NEGR1: variants seen among roughly 807,000 people sequenced by gnomAD.
The protein encoded by NEGR1 is IgLON family member 4.
In NEGR1, 10 loss-of-function variants were observed where a neutral mutation model predicts 40.9. That is an observed-to-expected ratio of 0.24 (90% CI 0.15 to 0.42). The LOEUF is 0.42. Among genes scored for constraint, NEGR1 ranks in the 10% least tolerant of loss-of-function variants. NEGR1 has a pLI of 1.00. For synonymous variants in NEGR1, 185 were observed against 166.8 expected (o/e 1.11, Z -0.84); for missense variants, 352 against 438.9 (o/e 0.80, Z 1.77).
chr1:72,135,922 C>T (rs1450096788), intron 1 of NEGR1, among the ~76,000 whole-genome samples: 1 of 152,148 alleles, frequency 6.6e-6, no homozygotes, highest in African/African-American at 2.4e-5. Context: ...ATAGATTTGC[C>T]TTAGTGTTGG....
chr1:72,190,416 T>C (rs1652778529), intron 1 of NEGR1, among the ~76,000 whole-genome samples: 2 of 151,588 alleles, frequency 1.3e-5, no homozygotes, highest in South Asian at 2.1e-4. Context: ...GTAAAATGCA[T>C]GAAAAACGCT....
intron 1 of NEGR1, among the ~76,000 whole-genome samples, chr1:72,196,522 C>A (rs1394533858): frequency 7.9e-5 from 12 of 152,074 alleles, no homozygotes; most frequent in Admixed American, 7.2e-4. Context: ...ATAATCCCAG[C>A]ACTTTGGGAG....
At chr1:71,520,948 TAA>T (rs1647153197) in intron 6 of NEGR1, among the ~76,000 whole-genome samples, 1 of 152,062 alleles carries the variant, frequency 6.6e-6, no homozygotes. Context: ...GTGATTAGAT[TAA>T]CCCACTGAAA....
At chr1:71,581,114 C>T (rs1222726348) in intron 6 of NEGR1, among the ~76,000 whole-genome samples, 1 of 152,026 alleles carries the variant, frequency 6.6e-6, no homozygotes, top group East Asian at 1.9e-4. Context: ...TACTTGCATC[C>T]CTGTGTCTGT....
intron 4 of NEGR1, among the ~76,000 whole-genome samples, chr1:71,621,662 T>C (rs553942184): frequency 6.6e-6 from 1 of 152,038 alleles, no homozygotes; most frequent in Admixed American, 6.6e-5. Flanking sequence ...ATATGAATTC[T>C]GATTTTAGGA....
intron 2 of NEGR1, among the ~76,000 whole-genome samples, chr1:71,896,484 C>T (rs939241370): frequency 2.0e-5 from 3 of 151,894 alleles, no homozygotes; most frequent in African/African-American, 7.3e-5. Flanking sequence ...ATATTTTCTC[C>T]CATTCTGCGT....
intron 1 of NEGR1, among the ~76,000 whole-genome samples, chr1:72,229,674 T>A (rs1359801098): frequency 6.6e-6 from 1 of 151,652 alleles, no homozygotes; most frequent in African/African-American, 2.4e-5. Flanking sequence ...TTTGGTAAGT[T>A]GATTTATAAA....
intron 1 of NEGR1, among the ~76,000 whole-genome samples, chr1:72,216,930 C>T (rs1273626981): frequency 6.6e-6 from 1 of 150,814 alleles, no homozygotes; most frequent in African/African-American, 2.4e-5. Context: ...TCTTTATATA[C>T]TTAATTTATT....
chr1:71,783,696 T>C (rs1048506445), intron 2 of NEGR1, among the ~76,000 whole-genome samples: 1 of 152,214 alleles, frequency 6.6e-6, no homozygotes, highest in Non-Finnish European at 1.5e-5. Context: ...GTTCAAACTT[T>C]GAATTATGTT....
At chr1:72,279,187 G>T (rs1184872565) in intron 1 of NEGR1, among the ~76,000 whole-genome samples, 2 of 152,056 alleles carry the variant, frequency 1.3e-5, no homozygotes, top group East Asian at 3.9e-4. Context: ...TTTACAAAAT[G>T]ATAGATACAG....
intron 4 of NEGR1, among the ~76,000 whole-genome samples, chr1:71,684,515 C>A (rs1422299978): frequency 2.0e-5 from 3 of 151,482 alleles, no homozygotes; most frequent in African/African-American, 7.3e-5. Context: ...TGTGTGTGTG[C>A]GTGCGTGCAC....
chr1:71,529,658 T>C (rs60518862), intron 6 of NEGR1, among the ~76,000 whole-genome samples: 6,097 of 151,204 alleles, frequency 0.04, 401 homozygotes, highest in African/African-American at 0.14. Flanking sequence ...TGAATAAGAT[T>C]ACACTGGTTT....
At chr1:72,223,778 G>A (rs1480426141) in intron 1 of NEGR1, among the ~76,000 whole-genome samples, 3 of 152,064 alleles carry the variant, frequency 2.0e-5, no homozygotes, top group South Asian at 4.1e-4. Context: ...TATTTATTAA[G>A]TCAAATATCT....
chr1:71,883,781 T>C (rs1660649358), intron 2 of NEGR1, among the ~76,000 whole-genome samples: 2 of 137,684 alleles, frequency 1.5e-5, no homozygotes, highest in Admixed American at 1.6e-4. Context: ...TGTATCCAAG[T>C]GTTCTCATTG....
intron 1 of NEGR1, among the ~76,000 whole-genome samples, chr1:72,133,052 T>C (rs953909851): frequency 2.0e-5 from 3 of 152,138 alleles, no homozygotes; most frequent in Non-Finnish European, 2.9e-5. Flanking sequence ...TAGCTACCAC[T>C]CCTTTAAAAT....
intron 1 of NEGR1, among the ~76,000 whole-genome samples, chr1:71,948,496 T>TGTGTGTGA (rs1368411356): frequency 3.2e-4 from 47 of 148,592 alleles, no homozygotes; most frequent in African/African-American, 5.2e-4. Context: ...TGTGTGTGTG[T>TGTGTGTGA]GAGAGAGAGA....
rs546069812 is a variant in NEGR1, at chr1:72,147,755, A to G, written c.176+134564T>C. On this transcript the variant is annotated intron_variant, in intron 1 of 6. Coordinates refer to ENST00000357731, the MANE Select transcript of NEGR1 (RefSeq NM_173808.3). ...GGGGTTGCAGGTATTGGGTAAATAT[A>G]GCAGTTCCAAATGGGAGAAATTGGC... Among the ~76,000 whole-genome samples, 15 of 152,302 alleles carry G rather than the reference A, an allele frequency of 9.8e-5. No homozygotes were observed. In the East Asian group the frequency reaches 2.7e-3, roughly 27 times the overall value.
At chr1:71,792,887 T>C (rs955922785) in intron 2 of NEGR1, among the ~76,000 whole-genome samples, 1 of 152,084 alleles carries the variant, frequency 6.6e-6, no homozygotes, top group African/African-American at 2.4e-5. Flanking sequence ...TATTTCTTTC[T>C]AGGTGTTGCA....
At chr1:72,126,746 C>T (rs1650038437) in intron 1 of NEGR1, among the ~76,000 whole-genome samples, 1 of 152,114 alleles carries the variant, frequency 6.6e-6, no homozygotes, top group South Asian at 2.1e-4. Flanking sequence ...ACACAGAGAA[C>T]TTTATTATTC....
Sources: gnomAD v4.1 joint callset for allele counts (sites outside exome capture counted in the v4.1 genomes callset) on GRCh38, gnomAD v4.1.1 for gene constraint, MANE v1.5 for transcripts, NCBI Gene and HGNC (gene_info 2026-07-23, HGNC 2026-07-21) for gene names.